Variants in ITGAD observed in about 807,000 individuals in gnomAD.
The protein encoded by ITGAD is integrin alpha-D.
In ITGAD, 105 loss-of-function variants were observed where a neutral mutation model predicts 139.0. The ratio of observed to expected loss-of-function variants is 0.76; its 90% CI spans 0.65 to 0.89. The LOEUF (loss-of-function observed/expected upper bound fraction) is 0.89. Among genes scored for constraint, ITGAD ranks in the 40% least tolerant of loss-of-function variants. The pLI is 0.00. For missense variants in ITGAD, 1,384 were observed against 1,487.3 expected (o/e 0.93, Z 1.14); for synonymous variants, 569 against 598.3 (o/e 0.95, Z 0.71).
At chr16:31,417,192 T>C (rs556002311) in intron 20 of ITGAD, among the ~76,000 whole-genome samples, 2 of 149,416 alleles carry the variant, frequency 1.3e-5, no homozygotes, top group African/African-American at 2.5e-5. Context: ...TACAGGTGCA[T>C]GCCACTACGC....
In ITGAD at chr16:31,408,454, C is replaced by T; in HGVS notation, c.1039C>T (p.Gln347Ter). The T allele has an allele frequency of 1.9e-6, 3 of 1,614,080 alleles. No homozygotes were observed. Reference protein sequence around the residue: ...GTQSRASSSFQHEMSQEGFST... With the variant: ...GTQSRASSSF Reference sequence around the variant, plus strand: ...CCAGTCCAGGGCAAGCAGCTCCTTCCAGCACGAGATGTCCCAAGAAGGCTT... The same window carrying T: ...CCAGTCCAGGGCAAGCAGCTCCTTCTAGCACGAGATGTCCCAAGAAGGCTT... Residue 347 changes from glutamine to a stop codon, truncating the protein, a stop_gained, in exon 10 of 30, where the codon CAG (glutamine) becomes TAG (stop). Transcript: ENST00000389202. LOFTEE classifies it high-confidence loss of function.
At chr16:31,417,952 AAAAC>A (rs950302652) in intron 20 of ITGAD, 119 bp from the exon 21 acceptor site, 372 of 810,072 alleles carry the variant, frequency 4.6e-4, no homozygotes, top group Middle Eastern at 3.8e-4. Flanking sequence ...GTCTCAAAAA[AAAAC>A]AACAACAAAA....
intron 14 of ITGAD, 121 bp downstream of exon 14, chr16:31,411,638 A>G: frequency 1.1e-6 from 1 of 914,574 alleles, no homozygotes; most frequent in Non-Finnish European, 1.7e-6. Flanking sequence ...TCAGCTAAGC[A>G]CACGTCATCT....
chr16:31,420,509 T>G (rs556732535), intron 23 of ITGAD, among the ~76,000 whole-genome samples: 16 of 152,278 alleles, frequency 1.1e-4, no homozygotes, highest in Non-Finnish European at 1.6e-4. Context: ...GTGATTCTCC[T>G]GCCTCAGCCT....
chr16:31,405,196 G>A (rs1329199036), intron 7 of ITGAD, among the ~76,000 whole-genome samples: 2 of 152,062 alleles, frequency 1.3e-5, no homozygotes, highest in Non-Finnish European at 2.9e-5. Context: ...ATGTTGGCCA[G>A]GCTGGTCTCG....
Position 31,407,985 on chromosome 16 carries a change from T to G in ITGAD, c.1009+69T>G, listed in dbSNP as rs2142721133. 3 of 1,470,560 alleles carry G rather than the reference T, an allele frequency of 2.0e-6. No individual in the cohort carries two copies. In the African/African-American group the frequency reaches 4.2e-5, roughly 21 times the overall value. The allele number at this position is 1,470,560 out of a possible 1,614,324, so 91.1% of individuals were successfully genotyped here. A position where few individuals can be genotyped will look rare whatever the true frequency, so the allele number is the denominator to read the frequency against. On this transcript the variant is annotated intron_variant, in intron 9 of 29. Transcript: ENST00000389202. ...CCCAATTGTCCCGTGCAGGCTTTTT[T>G]TTTTTGAGATGGAGTCTCACTTTGT...
chr16:31,401,166 G>A (rs2081394239), intron 5 of ITGAD, among the ~76,000 whole-genome samples: 1 of 152,098 alleles, frequency 6.6e-6, no homozygotes, highest in Admixed American at 6.6e-5. Flanking sequence ...AGACTGAGGT[G>A]GGAGAATTGC....
chr16:31,417,563 C>T (rs2081921141), intron 20 of ITGAD, among the ~76,000 whole-genome samples: 1 of 152,008 alleles, frequency 6.6e-6, no homozygotes, highest in African/African-American at 2.4e-5. Context: ...TCCTCCTCTT[C>T]CTCTTGTACT....
intron 4 of ITGAD, 25 bp downstream of exon 4, chr16:31,397,691 G>T (rs555808092): frequency 6.4e-5 from 98 of 1,541,386 alleles, no homozygotes; most frequent in South Asian, 2.2e-4. Flanking sequence ...TGGGCCACGG[G>T]GGGGTGGGGT....
chr16:31,416,619 G>C lies in ITGAD; in HGVS notation c.2472G>C (p.Leu824=). The change falls in exon 20 of 30, where the codon CTG becomes CTC. Residue 824 remains leucine (L), a synonymous_variant. Coordinates refer to ENST00000389202, the MANE Select transcript of ITGAD (RefSeq NM_005353.3). ...TCAGCCTCTACTATCCAGCAGGGCT[G>C]TCGCACCGACGGGTGTCAGGAGCCC... The part of the protein sequence containing the change: ...TVVSLYYPAG[L]SHRRVSGAQK... 6.2e-7 allele frequency: 1 copy of C among 1,612,020 alleles called. No homozygotes were observed.
intron 5 of ITGAD, among the ~76,000 whole-genome samples, chr16:31,398,868 G>A (rs1042329053): frequency 1.6e-4 from 24 of 152,154 alleles, no homozygotes; most frequent in African/African-American, 5.1e-4. Flanking sequence ...TTGCCAACAG[G>A]TGCATGGCCA....
In ITGAD at chr16:31,426,094, TCAG is replaced by T; in HGVS notation, c.3454_3456del (p.Ser1152del). On this transcript the variant is annotated inframe_deletion, in exon 30 of 30. Transcript: ENST00000389202. ...ACTGCCACATTCAGTGGGGACGATT[TCAG>T]CTGTGTGGCCCCAAATGTGCCTTTG... 6.2e-7 allele frequency: 1 copy of T among 1,613,590 alleles called. No individual in the cohort carries two copies.
At chr16:31,412,760 T>C in intron 14 of ITGAD, 78 bp from the exon 15 acceptor site, 3 of 1,580,178 alleles carry the variant, frequency 1.9e-6, no homozygotes, top group Non-Finnish European at 2.6e-6. Flanking sequence ...CCATCCTACC[T>C]CCATATTCCC....
At position 31,406,047 on chromosome 16, in the gene ITGAD, A is replaced by C. The variant is rs374247766; in HGVS notation, c.705-1468A>C. 8.6e-5 allele frequency among the ~76,000 whole-genome samples: 13 copies of C among 151,666 alleles called. 1 individual carries two copies. The East Asian group carries it at 2.3e-3, about 27-fold the overall frequency. The stretch of plus-strand genomic sequence containing the variant: ...ATTTGCTCTGAGTTTATCTGAGTTT[A>C]TAGAGTTACATGAGCAGGTAGTTAC... On this transcript the variant is annotated intron_variant, in intron 7 of 29. Coordinates refer to ENST00000389202, the MANE Select transcript of ITGAD (RefSeq NM_005353.3).
intron 5 of ITGAD, 131 bp from the exon 6 acceptor site, chr16:31,401,984 G>A: frequency 2.1e-6 from 2 of 956,794 alleles, no homozygotes; most frequent in Non-Finnish European, 3.1e-6. Flanking sequence ...GCAGACTGGG[G>A]CCTCCTCCAA....
chr16:31,402,312 G>C, intron 6 of ITGAD, 67 bp downstream of exon 6: 1 of 1,275,046 alleles, frequency 7.8e-7, no homozygotes, highest in South Asian at 1.4e-5. Flanking sequence ...GAGGCATCCC[G>C]GGAGGGGTGG....
In ITGAD at chr16:31,407,510, G is replaced by A. The variant is rs1283848529; in HGVS notation, c.705-5G>A. The A allele has an allele frequency of 6.4e-6, 10 of 1,568,340 alleles. No individual in the cohort carries two copies. Among genetic ancestry groups the A allele is most frequent in the East Asian group, 4.5e-5 (2 of 44,490 alleles). On this transcript the variant is annotated splice_region_variant and splice_polypyrimidine_tract_variant and intron_variant, in intron 7 of 29. Transcript: ENST00000389202. ...GTAGAGTCATCTTCCTTTCCTCCCC[G>A]ACAGGACACAGCTATTTCATCATAA...
rs142324976 is a variant in ITGAD at position 31,397,423 on chromosome 16, G to A, written c.202G>A (p.Ala68Thr). ...ANQTGRLYDC[A>T]AATGMCQPIP... The stretch of plus-strand genomic sequence containing the variant: ...CCAGACGGGACGGCTGTATGACTGC[G>A]CAGCTGCCACCGGCATGTGCCAGCC... The change falls in exon 3 of 30, where the codon GCA (alanine) becomes ACA (threonine). Residue 68 changes from alanine (A) to threonine (T), a missense_variant. Ala to Thr is a moderately conservative substitution (Grantham distance 58). Coordinates refer to ENST00000389202, the MANE Select transcript of ITGAD (RefSeq NM_005353.3). 37 of 1,602,826 alleles carry A rather than the reference G, an allele frequency of 2.3e-5. No homozygotes were observed. In the African/African-American group the frequency reaches 3.3e-4, roughly 14 times the overall value.
intron 10 of ITGAD, among the ~76,000 whole-genome samples, chr16:31,410,124 C>T (rs1383920431): frequency 2.0e-5 from 3 of 151,862 alleles, no homozygotes. Context: ...GGTGGCTGCA[C>T]ATTTGGGTTT....
Sources: allele counts gnomAD v4.1 joint callset (sites outside exome capture counted in the v4.1 genomes callset), GRCh38; gene constraint gnomAD v4.1.1; transcripts MANE v1.5; gene names NCBI Gene and HGNC (gene_info 2026-07-23, HGNC 2026-07-21).